The following STARD13 variants were observed in gnomAD, a reference collection of about 807,000 sequenced individuals.
STARD13 encodes the protein stAR-related lipid transfer protein 13.
A neutral mutation model predicts 106.4 loss-of-function variants in STARD13; 62 were observed. That is an observed-to-expected ratio of 0.58 (90% CI 0.48 to 0.72). The LOEUF (loss-of-function observed/expected upper bound fraction) is 0.72, where lower values mean the gene tolerates loss of function less well. Ranked by LOEUF, STARD13 falls within the 30% of genes least tolerant of loss-of-function variation. The probability of loss-of-function intolerance (pLI) is 0.00; values close to 1 mark genes in which losing one functional copy is unlikely to be tolerated. For synonymous variants in STARD13, 565 were observed against 553.0 expected, an observed-to-expected ratio of 1.02 and a Z score of -0.31; for missense variants, 1,387 against 1,424.0, an observed-to-expected ratio of 0.97 and a Z score of 0.42.
intron 1 of STARD13, among the ~76,000 whole-genome samples, chr13:33,197,510 G>T (rs1268773359): frequency 6.6e-6 from 1 of 151,940 alleles, no homozygotes; most frequent in African/African-American, 2.4e-5. Flanking sequence ...TGGGCTTATT[G>T]TCAGAGTTAA....
chr13:33,496,876 G>A, the STARD13 span, among the ~76,000 whole-genome samples: 33,909 of 151,716 alleles, frequency 0.22, 7,078 homozygotes, highest in African/African-American at 0.55. Flanking sequence ...ATATAGTTTC[G>A]TTTCTGGATA....
At chr13:33,194,853 G>C (rs1332298830) in intron 1 of STARD13, among the ~76,000 whole-genome samples, 1 of 152,210 alleles carries the variant, frequency 6.6e-6, no homozygotes, top group African/African-American at 2.4e-5. Context: ...AGCTACCATA[G>C]AGACTTTGAT....
chr13:33,127,268 A>G (rs913892544), intron 6 of STARD13, 105 bp downstream of exon 6: 4 of 1,278,634 alleles, frequency 3.1e-6, no homozygotes, highest in East Asian at 5.5e-5. Flanking sequence ...CAGTGAAGGC[A>G]ATGAATGGGT....
chr13:33,586,326 C>T, the STARD13 span, among the ~76,000 whole-genome samples: 3 of 152,008 alleles, frequency 2.0e-5, no homozygotes, highest in Non-Finnish European at 4.4e-5. Context: ...CCAGGGTTAT[C>T]GCCCTTTCCT....
At chr13:33,507,016 G>A in the STARD13 span, among the ~76,000 whole-genome samples, 15 of 152,102 alleles carry the variant, frequency 9.9e-5, no homozygotes, top group South Asian at 4.1e-4. Flanking sequence ...TGAGAGGATC[G>A]CTTGAGCTTG....
chr13:33,117,618 C>T (rs1478405584), intron 8 of STARD13: 1 of 979,378 alleles, frequency 1.0e-6, no homozygotes, highest in African/African-American at 1.8e-5. Context: ...AATGAAGATA[C>T]TTTGTGCTAA....
At chr13:33,142,761 C>A (rs1387333126) in intron 3 of STARD13, among the ~76,000 whole-genome samples, 1 of 152,194 alleles carries the variant, frequency 6.6e-6, no homozygotes, top group African/African-American at 2.4e-5. Context: ...ATCAACACAA[C>A]CGTGTATCTT....
At chr13:33,300,382 A>G (rs1454127100) in intron 1 of STARD13, among the ~76,000 whole-genome samples, 1 of 152,208 alleles carries the variant, frequency 6.6e-6, no homozygotes, top group East Asian at 1.9e-4. Flanking sequence ...GATGTTTTCA[A>G]TTTTATGTGG....
At chr13:33,359,988 T>G in the STARD13 span, among the ~76,000 whole-genome samples, 1 of 152,208 alleles carries the variant, frequency 6.6e-6, no homozygotes, top group Non-Finnish European at 1.5e-5. Context: ...AAGGGAATGA[T>G]TACTTCAAAA....
At chr13:33,511,897 A>G in the STARD13 span, among the ~76,000 whole-genome samples, 6 of 152,316 alleles carry the variant, frequency 3.9e-5, no homozygotes, top group South Asian at 4.1e-4. Context: ...TGAGTCTTTA[A>G]CAGAAGCTTC....
the STARD13 span, among the ~76,000 whole-genome samples, chr13:33,537,350 C>G: frequency 1.3e-5 from 2 of 152,162 alleles, no homozygotes; most frequent in Non-Finnish European, 2.9e-5. Context: ...TAACATTCCC[C>G]CTTGAAGTTA....
intron 1 of STARD13, among the ~76,000 whole-genome samples, chr13:33,309,327 G>A (rs1011475961): frequency 6.6e-6 from 1 of 152,122 alleles, no homozygotes; most frequent in Admixed American, 6.5e-5. Flanking sequence ...AATATATCCA[G>A]GGCCCAGAGA....
At chr13:33,115,893 GAC>G (rs1875298804) in intron 8 of STARD13, among the ~76,000 whole-genome samples, 1 of 152,196 alleles carries the variant, frequency 6.6e-6, no homozygotes, top group Admixed American at 6.5e-5. Flanking sequence ...AATAGAGGCT[GAC>G]TTTAGCCCTG....
At chr13:33,547,885 TTAG>T in the STARD13 span, among the ~76,000 whole-genome samples, 1 of 152,140 alleles carries the variant, frequency 6.6e-6, no homozygotes, top group Admixed American at 6.5e-5. Flanking sequence ...TCTTAGATGA[TTAG>T]TAGGTTAATG....
the STARD13 span, among the ~76,000 whole-genome samples, chr13:33,663,977 T>A: frequency 6.6e-6 from 1 of 152,156 alleles, no homozygotes; most frequent in South Asian, 2.1e-4. Flanking sequence ...ACTGGCAACT[T>A]CCAACGGGAA....
the STARD13 span, among the ~76,000 whole-genome samples, chr13:33,372,603 T>C: frequency 3.3e-5 from 5 of 151,942 alleles, no homozygotes; most frequent in Non-Finnish European, 7.4e-5. Flanking sequence ...CTTTCAAATA[T>C]GAACCAACCG....
At chr13:33,159,708 G>C (rs959947185) in intron 3 of STARD13, among the ~76,000 whole-genome samples, 5 of 152,220 alleles carry the variant, frequency 3.3e-5, no homozygotes, top group Non-Finnish European at 7.4e-5. Flanking sequence ...TACTAGCAAT[G>C]GGCAACTGAA....
At chr13:33,238,443 G>A (rs1040578472) in intron 1 of STARD13, among the ~76,000 whole-genome samples, 1 of 152,112 alleles carries the variant, frequency 6.6e-6, no homozygotes, top group African/African-American at 2.4e-5. Context: ...GGTAAAGTGA[G>A]TGATAAAAAA....
At chr13:33,184,699 G>T (rs1297379455) in intron 1 of STARD13, among the ~76,000 whole-genome samples, 1 of 152,218 alleles carries the variant, frequency 6.6e-6, no homozygotes, top group African/African-American at 2.4e-5. Context: ...TTAGTTTACT[G>T]CTGCAATCCT....
Sources: gnomAD v4.1 joint callset for allele counts (sites outside exome capture counted in the v4.1 genomes callset) on GRCh38, gnomAD v4.1.1 for gene constraint, MANE v1.5 for transcripts, NCBI Gene and HGNC (gene_info 2026-07-23, HGNC 2026-07-21) for gene names.